The following MINDY4 variants were observed in gnomAD, a reference collection of about 807,000 sequenced individuals.
MINDY4 encodes the protein MINDY lysine 48 deubiquitinase 4, also known as probable ubiquitin carboxyl-terminal hydrolase MINDY-4.
In MINDY4, 68 loss-of-function variants were observed where a neutral mutation model predicts 87.0. That is an observed-to-expected ratio of 0.78 (90% CI 0.64 to 0.96). The LOEUF is 0.96. Ranked by LOEUF, MINDY4 falls within the 40% of genes least tolerant of loss-of-function variation. The probability of loss-of-function intolerance (pLI) is 0.00; values close to 1 mark genes in which losing one functional copy is unlikely to be tolerated. For synonymous variants in MINDY4, 379 were observed against 363.2 expected (o/e 1.04, Z -0.50); for missense variants, 919 against 928.2 (o/e 0.99, Z 0.13).
intron 3 of MINDY4, among the ~76,000 whole-genome samples, chr7:30,785,538 G>A (rs1562529992): frequency 6.6e-6 from 1 of 152,164 alleles, no homozygotes; most frequent in East Asian, 1.9e-4. Context: ...TTGTTTGCTT[G>A]TTTACTGGTC....
intron 5 of MINDY4, among the ~76,000 whole-genome samples, chr7:30,824,944 C>T (rs542921659): frequency 5.9e-5 from 9 of 151,762 alleles, no homozygotes; most frequent in African/African-American, 2.2e-4. Context: ...TCCCATGGAG[C>T]CCAGAACACC....
In MINDY4 at chr7:30,871,716, G is replaced by A. The variant is rs574309823; in HGVS notation, c.1746-527G>A. Among the ~76,000 whole-genome samples, 104 of 152,348 alleles carry A rather than the reference G, an allele frequency of 6.8e-4. 1 individual carries two copies. In the South Asian group the frequency reaches 7.4e-3, roughly 11 times the overall value. Reference sequence around the variant, plus strand: ...CAAGACATCCCTTTTCTGAGGCTTGGTTTTCTCAAAGGGTTTTAGGGAATA... The same window carrying A: ...CAAGACATCCCTTTTCTGAGGCTTGATTTTCTCAAAGGGTTTTAGGGAATA... On this transcript the variant is annotated intron_variant, in intron 13 of 17. Coordinates refer to ENST00000265299, the MANE Select transcript of MINDY4 (RefSeq NM_032222.3).
intron 5 of MINDY4, among the ~76,000 whole-genome samples, chr7:30,817,883 G>T (rs1584271883): frequency 2.0e-5 from 3 of 152,272 alleles, no homozygotes; most frequent in Admixed American, 2.0e-4. Context: ...GTGGGAGAGT[G>T]GTAGGAGTGC....
chr7:30,773,286 G>A (rs908448323), intron 1 of MINDY4, among the ~76,000 whole-genome samples: 1 of 152,166 alleles, frequency 6.6e-6, no homozygotes, highest in African/African-American at 2.4e-5. Flanking sequence ...TCAGATCCTC[G>A]TAACAGTCCT....
chr7:30,846,571 C>T (rs1015312059), intron 9 of MINDY4, among the ~76,000 whole-genome samples: 7 of 152,160 alleles, frequency 4.6e-5, no homozygotes, highest in African/African-American at 7.2e-5. Flanking sequence ...CCAGTGAAGG[C>T]GTGCGCTGAG....
At chr7:30,891,513 C>T in intron 17 of MINDY4, among the ~76,000 whole-genome samples, 1 of 152,230 alleles carries the variant, frequency 6.6e-6, no homozygotes, top group Non-Finnish European at 1.5e-5. Context: ...AAGTTCCTGC[C>T]AGCTTCCCGG....
At chr7:30,884,404 G>GCAGGT in intron 17 of MINDY4, among the ~76,000 whole-genome samples, 1 of 152,332 alleles carries the variant, frequency 6.6e-6, no homozygotes, top group Admixed American at 6.5e-5. Context: ...AAGGGCACCT[G>GCAGGT]CAGGTCGCTT....
intron 15 of MINDY4, among the ~76,000 whole-genome samples, chr7:30,880,247 C>A (rs1790416887): frequency 6.9e-6 from 1 of 145,208 alleles, no homozygotes; most frequent in Non-Finnish European, 1.5e-5. Context: ...GCTACATGTT[C>A]CCCCACCAGG....
intron 9 of MINDY4, among the ~76,000 whole-genome samples, chr7:30,847,667 G>A (rs1789264392): frequency 6.6e-6 from 1 of 152,204 alleles, no homozygotes; most frequent in African/African-American, 2.4e-5. Context: ...CATGGAAAGA[G>A]TTTATAACAG....
At chr7:30,835,780 C>G (rs768400592) in intron 6 of MINDY4, among the ~76,000 whole-genome samples, 1 of 152,226 alleles carries the variant, frequency 6.6e-6, no homozygotes, top group African/African-American at 2.4e-5. Flanking sequence ...TCAGCCTTGC[C>G]GGCACCATTG....
intron 6 of MINDY4, among the ~76,000 whole-genome samples, chr7:30,829,557 C>G (rs551045724): frequency 6.6e-6 from 1 of 152,346 alleles, no homozygotes; most frequent in Admixed American, 6.5e-5. Context: ...ATTTAGAACT[C>G]TCTTGTGTGA....
Position 30,785,787 on chromosome 7 carries a change from T to C in MINDY4, c.458T>C (p.Val153Ala), listed in dbSNP as rs529957951. ...GATGGAGATGTACTTGGTAATTTTGTATCATCTAAAAGGCCCCCGCACAAA... is the reference window on the plus strand; with the variant it reads ...GATGGAGATGTACTTGGTAATTTTGCATCATCTAAAAGGCCCCCGCACAAA... ...NLDGDVLGNF[V>A]SSKRPPHKSK... The change falls in exon 4 of 18, where the codon GTA (valine) becomes GCA (alanine). Residue 153 changes from valine (V) to alanine (A), a missense_variant. Physicochemically the swap from Val to Ala is moderately conservative, Grantham distance 64 (BLOSUM62 0). Coordinates refer to ENST00000265299, the MANE Select transcript of MINDY4 (RefSeq NM_032222.3). 1.9e-4 allele frequency: 314 copies of C among 1,614,242 alleles called. 5 individuals carry two copies. The South Asian group carries it at 3.3e-3, about 17-fold the overall frequency.
At chr7:30,810,174 C>CAAAAAAAA (rs58498956) in intron 5 of MINDY4, among the ~76,000 whole-genome samples, 116 of 66,582 alleles carry the variant, frequency 1.7e-3, no homozygotes, top group African/African-American at 2.7e-3. Context: ...GACTCTGTTT[C>CAAAAAAAA]AAAAAAAAAA....
At position 30,840,937 on chromosome 7, in the gene MINDY4, C is replaced by G. The variant is rs935751168; in HGVS notation, c.1445+89C>G. 20 of 1,158,766 alleles carry G rather than the reference C, an allele frequency of 1.7e-5. No homozygotes were observed. The East Asian group carries it at 4.6e-4, about 27-fold the overall frequency. The allele number at this position is 1,158,766 out of a possible 1,614,324, so 71.8% of individuals were successfully genotyped here. A position where few individuals can be genotyped will look rare whatever the true frequency, so the allele number is the denominator to read the frequency against. On this transcript the variant is annotated intron_variant, in intron 9 of 17. Coordinates refer to ENST00000265299, the MANE Select transcript of MINDY4 (RefSeq NM_032222.3). ...AAACAAGCAAGGAAGCATGTGTGTT[C>G]CCTGATATTTCCTGTCTTCTGCAGG... is the stretch of plus-strand genomic sequence containing the variant.
At chr7:30,779,221 C>T (rs1168990383) in intron 2 of MINDY4, among the ~76,000 whole-genome samples, 2 of 152,198 alleles carry the variant, frequency 1.3e-5, no homozygotes, top group Admixed American at 1.3e-4. Context: ...ATCTGCCCCC[C>T]GCCAATACCT....
chr7:30,841,097 C>T (rs1032649081), intron 9 of MINDY4, among the ~76,000 whole-genome samples: 2 of 151,426 alleles, frequency 1.3e-5, no homozygotes, highest in Admixed American at 6.6e-5. Flanking sequence ...GCTGCAGGAA[C>T]GACATCAAAA....
At chr7:30,827,201 T>C (rs113082109) in intron 5 of MINDY4, among the ~76,000 whole-genome samples, 2 of 152,248 alleles carry the variant, frequency 1.3e-5, no homozygotes, top group African/African-American at 4.8e-5. Context: ...CTGCTTGAAA[T>C]GGTTCAAGGA....
At chr7:30,834,932 A>G (rs546323154) in intron 6 of MINDY4, among the ~76,000 whole-genome samples, 2 of 152,232 alleles carry the variant, frequency 1.3e-5, no homozygotes, top group Admixed American at 6.5e-5. Context: ...TCATACTACT[A>G]TCCGCATTTT....
At chr7:30,810,234 CGAA>C (rs1787945844) in intron 5 of MINDY4, among the ~76,000 whole-genome samples, 1 of 137,954 alleles carries the variant, frequency 7.2e-6, no homozygotes, top group Non-Finnish European at 1.5e-5. Flanking sequence ...TGAGGCATGT[CGAA>C]GAGTTGTCTG....
Sources: allele counts gnomAD v4.1 joint callset (sites outside exome capture counted in the v4.1 genomes callset), GRCh38; gene constraint gnomAD v4.1.1; transcripts MANE v1.5; gene names NCBI Gene and HGNC (gene_info 2026-07-23, HGNC 2026-07-21).